UGT1A6: variants seen among roughly 807,000 people sequenced by gnomAD.
UGT1A6 encodes the protein UDP glucuronosyltransferase family 1 member A6.
Under a neutral mutation model 44.4 loss-of-function variants are expected in UGT1A6, and 32 were observed. The ratio of observed to expected loss-of-function variants is 0.72; its 90% confidence interval spans 0.54 to 0.97. The LOEUF is 0.97. Among genes scored for constraint, UGT1A6 ranks in the 50% least tolerant of loss-of-function variants. The pLI is 0.00. For synonymous variants in UGT1A6, 238 were observed against 248.5 expected (o/e 0.96, Z 0.40); for missense variants, 685 against 661.9 (o/e 1.03, Z -0.38).
chr2:233,753,284 A>G (rs1327448691), intron 1 of UGT1A6: 1 of 152,242 alleles, frequency 6.6e-6, no homozygotes, highest in African/African-American at 2.4e-5. Context: ...TTGATTTCAG[A>G]GTTCAGTGTG....
chr2:233,741,488 C>CA (rs1484608191), intron 1 of UGT1A6: 1 of 151,842 alleles, frequency 6.6e-6, no homozygotes, highest in Non-Finnish European at 1.5e-5. Context: ...GTCTGATGTA[C>CA]AAAAAACTGA....
At chr2:233,732,759 T>C (rs1404130009) in intron 1 of UGT1A6, among the ~76,000 whole-genome samples, 2 of 151,674 alleles carry the variant, frequency 1.3e-5, no homozygotes, top group Non-Finnish European at 2.9e-5. Context: ...AGCTTTGTTT[T>C]TTTTTTTTTT....
At chr2:233,760,414 AT>A in intron 1 of UGT1A6, 1 of 1,614,212 alleles carries the variant, frequency 6.2e-7, no homozygotes, top group Non-Finnish European at 8.5e-7. Flanking sequence ...CTGGCTGAGC[AT>A]GCTTGGGGCC....
At chr2:233,693,942 C>A (rs2075190046) in intron 1 of UGT1A6, 77 bp downstream of exon 1, 10 of 1,601,216 alleles carry the variant, frequency 6.2e-6, no homozygotes, top group Non-Finnish European at 8.5e-6. Context: ...GCTCCTTGAG[C>A]CGACTGTCCC....
rs181203799 is a variant in UGT1A6, at chr2:233,760,152, C to T, written c.862-6882C>T. ...TTCTTTATCTCTGAAAGTGAACTCC[C>T]TGCTACCTTTGTGGACTGACAGCTT... On this transcript the variant is annotated intron_variant, in intron 1 of 4. Transcript: ENST00000305139. 37 of 1,481,016 alleles carry T rather than the reference C, an allele frequency of 2.5e-5. No individual in the cohort carries two copies. The Admixed American group carries it at 2.7e-4, about 11-fold the overall frequency. The allele number at this position is 1,481,016 out of a possible 1,614,324, so 91.7% of individuals were successfully genotyped here. A position where few individuals can be genotyped will look rare whatever the true frequency, so the allele number is the denominator to read the frequency against.
rs267599273 is a variant in UGT1A6, at chr2:233,767,927, G to A, written c.1072G>A (p.Asp358Asn). ...TILVKWLPQN[D>N]LLGHPMTRAF... ...ACTTGTTAAGTGGCTACCCCAAAACGATCTGCTTGGTATGTTGGGCGGATT... is the reference window on the plus strand; with the variant it reads ...ACTTGTTAAGTGGCTACCCCAAAACAATCTGCTTGGTATGTTGGGCGGATT... The change falls in exon 3 of 5, where the codon GAT becomes AAT. Residue 358 changes from aspartate to asparagine, a missense_variant. By Grantham distance (23) the Asp-to-Asn change is conservative (BLOSUM62 1). Coordinates refer to ENST00000305139, the MANE Select transcript of UGT1A6 (RefSeq NM_001072.4). 45 of 1,614,054 alleles carry A rather than the reference G, an allele frequency of 2.8e-5. 1 individual carries two copies. The highest frequency in any genetic ancestry group is 2.2e-4 in the South Asian group (20 of 91,078).
intron 4 of UGT1A6, chr2:233,771,210 C>A: frequency 6.6e-6 from 1 of 152,206 alleles, no homozygotes. Context: ...GGACAAATAT[C>A]CAAACTGTAT....
Position 233,719,440 on chromosome 2 carries a change from T to G in UGT1A6, c.861+25575T>G, listed in dbSNP as rs2076766565. The G allele has an allele frequency of 3.7e-6, 6 of 1,613,928 alleles. No individual in the cohort carries two copies. In the East Asian group the frequency reaches 1.3e-4, roughly 36 times the overall value. ...ACGACCAATTCAGACCACATGACAT[T>G]CCTGCAAAGGGTCAAGAACATGCTC... On this transcript the variant is annotated intron_variant, in intron 1 of 4. Coordinates refer to ENST00000305139, the MANE Select transcript of UGT1A6 (RefSeq NM_001072.4).
intron 1 of UGT1A6, among the ~76,000 whole-genome samples, chr2:233,738,366 T>C (rs1389802664): frequency 6.6e-6 from 1 of 152,176 alleles, no homozygotes; most frequent in African/African-American, 2.4e-5. Context: ...GGTACTGCTA[T>C]AAAACTACTT....
Position 233,760,303 on chromosome 2 carries a change from C to T in UGT1A6, c.862-6731C>T, listed in dbSNP as rs2125982207. ...CAAAGGCGCCATGGCTGTGGAGTCC[C>T]AGGGCGGACGCCCACTTGTCCTGGG... On this transcript the variant is annotated intron_variant, in intron 1 of 4. Coordinates refer to ENST00000305139, the MANE Select transcript of UGT1A6 (RefSeq NM_001072.4). 2 of 1,613,696 alleles carry T rather than the reference C, an allele frequency of 1.2e-6. No individual in the cohort carries two copies. Among genetic ancestry groups the T allele is most frequent in the South Asian group, 1.1e-5 (1 of 91,060 alleles).
At position 233,769,509 on chromosome 2, in the gene UGT1A6, C is replaced by T; in HGVS notation, c.1301+1070C>T. 2 of 1,612,822 alleles carry T rather than the reference C, an allele frequency of 1.2e-6. No homozygotes were observed. Among genetic ancestry groups the T allele is most frequent in the Non-Finnish European group, 1.7e-6 (2 of 1,179,850 alleles). On this transcript the variant is annotated intron_variant, in intron 4 of 4. Coordinates refer to ENST00000305139, the MANE Select transcript of UGT1A6 (RefSeq NM_001072.4). This position sits in a 1 kb window ranked among gnomAD's most constrained non-coding sequence, Gnocchi z 4.4. Reference sequence around the variant, plus strand: ...TGTTTATGAGAGTGTCCATTGCTTTCTCCCATGGTTACCTCCTTTAGAAAG... The same window carrying T: ...TGTTTATGAGAGTGTCCATTGCTTTTTCCCATGGTTACCTCCTTTAGAAAG...
rs145403444 is a variant in UGT1A6 at position 233,729,793 on chromosome 2, A to G, written c.861+35928A>G. ...GCTCTACCCTCTGGCCCTGTCCTAC[A>G]TTTGCCATGCTTTTTCTGCTCCTTA... On this transcript the variant is annotated intron_variant, in intron 1 of 4. Coordinates refer to ENST00000305139, the MANE Select transcript of UGT1A6 (RefSeq NM_001072.4). The G allele has an allele frequency of 5.0e-6, 8 of 1,613,536 alleles. No individual in the cohort carries two copies. In the African/African-American group the frequency reaches 9.4e-5, roughly 19 times the overall value.
intron 1 of UGT1A6, among the ~76,000 whole-genome samples, chr2:233,762,621 C>T (rs1374321731): frequency 6.6e-6 from 1 of 152,118 alleles, no homozygotes; most frequent in Non-Finnish European, 1.5e-5. Context: ...TTGTTGTGAC[C>T]TCAAACACTT....
intron 4 of UGT1A6, among the ~76,000 whole-genome samples, chr2:233,768,769 A>G (rs1559416355): frequency 6.6e-6 from 1 of 151,738 alleles, no homozygotes; most frequent in Non-Finnish European, 1.5e-5. Flanking sequence ...TTTTTAGTAG[A>G]GAAAGGGTTT....
chr2:233,772,746 T>C lies in UGT1A6; in HGVS notation c.*187T>C. On this transcript the variant is annotated 3_prime_UTR_variant, in exon 5 of 5. Coordinates refer to ENST00000305139, the MANE Select transcript of UGT1A6 (RefSeq NM_001072.4). ...ATAGACTCGCTAGTCAGTAAAGATA[T>C]TTGAATATGTATCGTGCCCCCTCTG... The C allele has an allele frequency of 7.0e-7, 1 of 1,422,530 alleles. No individual in the cohort carries two copies. 88.1% of individuals were successfully genotyped at this position (1,422,530 alleles called of 1,614,324 possible).
chr2:233,705,730 T>G (rs898317128), intron 1 of UGT1A6, among the ~76,000 whole-genome samples: 6 of 152,220 alleles, frequency 3.9e-5, no homozygotes, highest in African/African-American at 1.4e-4. Flanking sequence ...TTTAATACCC[T>G]GAGCAGGTAG....
At position 233,729,748 on chromosome 2, in the gene UGT1A6, A is replaced by C. The variant is rs140766748; in HGVS notation, c.861+35883A>C. 4.5e-4 allele frequency: 721 copies of C among 1,613,992 alleles called. 2 individuals carry two copies. The highest frequency in any genetic ancestry group is 1.8e-3 in the South Asian group (167 of 91,072). Reference sequence around the variant, plus strand: ...AACCAATTCAGACCACATGACATTCATGCAAAGGGTCAAGAACATGCTCTA... The same window carrying C: ...AACCAATTCAGACCACATGACATTCCTGCAAAGGGTCAAGAACATGCTCTA... On this transcript the variant is annotated intron_variant, in intron 1 of 4. Coordinates refer to ENST00000305139, the MANE Select transcript of UGT1A6 (RefSeq NM_001072.4).
chr2:233,728,515 A>G (rs2077723500), intron 1 of UGT1A6, among the ~76,000 whole-genome samples: 5 of 152,152 alleles, frequency 3.3e-5, no homozygotes, highest in Admixed American at 2.6e-4. Context: ...AGCTTTTTCT[A>G]TATTGACAGC....
intron 1 of UGT1A6, among the ~76,000 whole-genome samples, chr2:233,704,562 T>C (rs1206655848): frequency 6.6e-6 from 1 of 152,186 alleles, no homozygotes; most frequent in Admixed American, 6.5e-5. Flanking sequence ...TTTATATAAA[T>C]ACACATGCTT....
Sources: gnomAD v4.1 joint callset for allele counts (sites outside exome capture counted in the v4.1 genomes callset) on GRCh38, gnomAD v4.1.1 for gene constraint, Gnocchi (gnomAD v3.1) non-coding constraint, MANE v1.5 for transcripts, NCBI Gene and HGNC (gene_info 2026-07-23, HGNC 2026-07-21) for gene names.